Variants in NEDD4 observed in about 807,000 individuals in gnomAD.
NEDD4 encodes the protein NEDD4 E3 ubiquitin protein ligase.
A neutral mutation model predicts 144.9 loss-of-function variants in NEDD4; 99 were observed. The ratio of observed to expected loss-of-function variants is 0.68; its 90% CI spans 0.58 to 0.81. The LOEUF is 0.81. Ranked by LOEUF, NEDD4 falls within the 30% of genes least tolerant of loss-of-function variation. NEDD4 has a pLI of 0.00. For synonymous variants in NEDD4, 318 were observed against 350.6 expected (o/e 0.91, Z 1.04); for missense variants, 985 against 1,065.9 (o/e 0.92, Z 1.06).
At chr15:55,903,579 C>T (rs531274973) in intron 5 of NEDD4, among the ~76,000 whole-genome samples, 2 of 152,140 alleles carry the variant, frequency 1.3e-5, no homozygotes, top group East Asian at 3.9e-4. Flanking sequence ...AATCCCAGCA[C>T]TTTGGGAGGC....
chr15:55,833,964 G>C (rs1429871511), intron 26 of NEDD4, 74 bp downstream of exon 26: 5 of 1,056,112 alleles, frequency 4.7e-6, no homozygotes, highest in African/African-American at 3.2e-5. Context: ...CACCAGTATA[G>C]TTAATCAAGA....
At chr15:55,839,999 A>AAAAAATATATATATAT (rs1566901067) in intron 21 of NEDD4, among the ~76,000 whole-genome samples, 1 of 26,142 alleles carries the variant, frequency 3.8e-5, no homozygotes, top group Non-Finnish European at 6.8e-5. Flanking sequence ...AAAAAAAAAA[A>AAAAAATATATATATAT]ATATATATAT....
chr15:55,872,676 A>G (rs1290772188), intron 6 of NEDD4, among the ~76,000 whole-genome samples, 200 bp from the exon 7 acceptor site: 3 of 152,170 alleles, frequency 2.0e-5, no homozygotes, highest in Non-Finnish European at 4.4e-5. Context: ...TCACAACTCA[A>G]ATGAAAACTA....
At chr15:55,888,078 G>A (rs555391073) in intron 5 of NEDD4, among the ~76,000 whole-genome samples, 1 of 152,252 alleles carries the variant, frequency 6.6e-6, no homozygotes, top group Admixed American at 6.5e-5. Flanking sequence ...TCTGGAACAT[G>A]ACAGGAATGC....
At chr15:55,897,871 G>A (rs1414461631) in intron 5 of NEDD4, among the ~76,000 whole-genome samples, 3 of 152,108 alleles carry the variant, frequency 2.0e-5, no homozygotes, top group African/African-American at 4.8e-5. Context: ...TTCCACATCC[G>A]GTTCCTGACC....
At chr15:55,844,861 G>T (rs1566905220) in intron 18 of NEDD4, among the ~76,000 whole-genome samples, 1 of 149,536 alleles carries the variant, frequency 6.7e-6, no homozygotes, top group Non-Finnish European at 1.5e-5. Flanking sequence ...AGGCTGGAGT[G>T]CAGTGGCATG....
chr15:55,951,974 T>C lies in NEDD4; in HGVS notation c.120-385A>G, dbSNP rs141395937. Among the ~76,000 whole-genome samples the C allele has an allele frequency of 3.4e-4, 52 of 151,706 alleles. No individual in the cohort carries two copies. In the East Asian group the frequency reaches 9.7e-3, roughly 28 times the overall value. On this transcript the variant is annotated intron_variant, in intron 2 of 28. Transcript: ENST00000435532. ...CTTCAGGTTGTCTCAAGTTATCTCA[T>C]GGGTGTAAACTCTTCTTATAAAGTA...
intron 5 of NEDD4, among the ~76,000 whole-genome samples, chr15:55,881,973 G>A (rs1002167100): frequency 1.4e-4 from 22 of 152,102 alleles, no homozygotes; most frequent in Admixed American, 2.6e-4. Flanking sequence ...TTCTGGCTTT[G>A]TCAAATATCC....
chr15:55,888,856 A>C (rs1412664946), intron 5 of NEDD4, among the ~76,000 whole-genome samples: 14 of 152,198 alleles, frequency 9.2e-5, no homozygotes, highest in African/African-American at 3.4e-4. Context: ...GGGAAAGGAC[A>C]GTTTCTTTAA....
chr15:55,830,527 T>C lies in NEDD4; in HGVS notation c.2587A>G (p.Arg863Gly), dbSNP rs1247419368. ...EQWGTPEKLP[R>G]AHTCFNRLDL... ...ACAACTGCTTACCAGGTATGAGCTC[T>C]TGGCAGCTTTTCAGGAGTACCCCAC... The change falls in exon 28 of 29, where the codon AGA (arginine) becomes GGA (glycine). Residue 863 changes from arginine (R) to glycine (G), a missense_variant. Arg to Gly is a moderately radical substitution (Grantham distance 125). Coordinates refer to ENST00000435532, the MANE Select transcript of NEDD4 (RefSeq NM_006154.4). 5.0e-6 allele frequency: 8 copies of C among 1,613,986 alleles called. No individual in the cohort carries two copies. In the Admixed American group the frequency reaches 6.7e-5, roughly 13 times the overall value.
intron 5 of NEDD4, among the ~76,000 whole-genome samples, chr15:55,913,994 T>G (rs1178431126): frequency 6.6e-6 from 1 of 151,948 alleles, no homozygotes; most frequent in East Asian, 1.9e-4. Context: ...TCCTAAAATC[T>G]GGTTTTAGAA....
intron 1 of NEDD4, among the ~76,000 whole-genome samples, chr15:55,984,032 A>G (rs1566978500): frequency 6.6e-6 from 1 of 152,180 alleles, no homozygotes; most frequent in East Asian, 1.9e-4. Context: ...AGTATATTCT[A>G]TATCATTATA....
At chr15:55,881,003 G>A (rs1283638340) in intron 5 of NEDD4, among the ~76,000 whole-genome samples, 1 of 152,162 alleles carries the variant, frequency 6.6e-6, no homozygotes, top group East Asian at 1.9e-4. Flanking sequence ...AGTACGGTTG[G>A]AGTCTAAGGC....
chr15:55,846,886 A>G, intron 18 of NEDD4, 83 bp downstream of exon 18: 1 of 912,284 alleles, frequency 1.1e-6, no homozygotes, highest in South Asian at 1.6e-5. Flanking sequence ...ATATAGAACA[A>G]ATTATTACTG....
intron 17 of NEDD4, 53 bp from the exon 18 acceptor site, chr15:55,847,087 G>T: frequency 1.6e-6 from 2 of 1,212,964 alleles, no homozygotes; most frequent in Non-Finnish European, 2.4e-6. Flanking sequence ...TTTTATTCTG[G>T]AACAATTTTT....
intron 11 of NEDD4, among the ~76,000 whole-genome samples, chr15:55,856,401 G>A (rs545620903): frequency 1.2e-4 from 18 of 152,186 alleles, no homozygotes; most frequent in African/African-American, 4.1e-4. Flanking sequence ...CATGCCCCCC[G>A]TGCTGGACTG....
chr15:55,879,740 G>T (rs1030650809), intron 5 of NEDD4, among the ~76,000 whole-genome samples: 2 of 151,996 alleles, frequency 1.3e-5, no homozygotes, highest in Non-Finnish European at 2.9e-5. Context: ...TAGAGGACAA[G>T]AAATATCTCT....
intron 5 of NEDD4, chr15:55,924,374 T>G (rs534260230): frequency 6.1e-5 from 20 of 330,292 alleles, no homozygotes; most frequent in Non-Finnish European, 1.0e-4. Context: ...GACAAAGAGG[T>G]TGGTTTTCTG....
chr15:55,973,463 C>A (rs2037645852), intron 1 of NEDD4, among the ~76,000 whole-genome samples: 1 of 152,100 alleles, frequency 6.6e-6, no homozygotes, highest in Admixed American at 6.6e-5. Context: ...TCACTTGAGC[C>A]CAAGAGTTGA....
Sources: allele counts gnomAD v4.1 joint callset (sites outside exome capture counted in the v4.1 genomes callset), GRCh38; gene constraint gnomAD v4.1.1; transcripts MANE v1.5; gene names NCBI Gene and HGNC (gene_info 2026-07-23, HGNC 2026-07-21).